Variants in POU2F1 observed in about 807,000 individuals in gnomAD.
The protein encoded by POU2F1 is POU domain, class 2, transcription factor 1.
Under a neutral mutation model 84.9 loss-of-function variants are expected in POU2F1, and 16 were observed. That is an observed-to-expected ratio of 0.19 (90% CI 0.13 to 0.29). The LOEUF is 0.29. Among genes scored for constraint, POU2F1 ranks in the 10% least tolerant of loss-of-function variants. The probability of loss-of-function intolerance (pLI) is 1.00; values close to 1 mark genes in which losing one functional copy is unlikely to be tolerated. For missense variants in POU2F1, 738 were observed against 942.6 expected (o/e 0.78, Z 2.84); for synonymous variants, 368 against 368.3 (o/e 1.00, Z 0.01).
At chr1:167,253,320 C>G (rs1011420399) in intron 1 of POU2F1, among the ~76,000 whole-genome samples, 2 of 148,096 alleles carry the variant, frequency 1.4e-5, no homozygotes, top group Non-Finnish European at 3.0e-5. Context: ...TACTAACTCT[C>G]TTGTAGAACA....
intron 1 of POU2F1, among the ~76,000 whole-genome samples, chr1:167,312,432 G>T (rs12120586): frequency 3.3e-5 from 5 of 151,782 alleles, no homozygotes; most frequent in African/African-American, 4.8e-5. Flanking sequence ...CTCGTTTGTT[G>T]TTGGCCAGGC....
At chr1:167,385,888 G>A (rs554387776) in intron 8 of POU2F1, among the ~76,000 whole-genome samples, 51 of 152,252 alleles carry the variant, frequency 3.3e-4, no homozygotes, top group Middle Eastern at 3.4e-3. Flanking sequence ...AATGTCTAAA[G>A]AACTCATTCA....
intron 1 of POU2F1, among the ~76,000 whole-genome samples, chr1:167,253,731 T>C (rs1254408628): frequency 6.6e-6 from 1 of 152,066 alleles, no homozygotes; most frequent in East Asian, 1.9e-4. Flanking sequence ...CCAGCCAGAA[T>C]TTTTTATTTT....
At chr1:167,357,766 C>T (rs11589454) in intron 2 of POU2F1, among the ~76,000 whole-genome samples, 6 of 151,292 alleles carry the variant, frequency 4.0e-5, no homozygotes, top group Admixed American at 1.3e-4. Flanking sequence ...GATTCCACCC[C>T]GCCCTTTATT....
At chr1:167,339,022 T>C (rs1185556046) in intron 2 of POU2F1, among the ~76,000 whole-genome samples, 1 of 152,164 alleles carries the variant, frequency 6.6e-6, no homozygotes, top group Non-Finnish European at 1.5e-5. Flanking sequence ...TGTAAGTGCT[T>C]TATTTCTTCT....
intron 2 of POU2F1, among the ~76,000 whole-genome samples, chr1:167,335,215 A>G (rs958464240): frequency 1.3e-5 from 2 of 152,214 alleles, no homozygotes; most frequent in Non-Finnish European, 2.9e-5. Flanking sequence ...ATGCAAATAG[A>G]TGAAATAACC....
intron 1 of POU2F1, among the ~76,000 whole-genome samples, chr1:167,253,131 G>T (rs6703025): frequency 0.029 from 4,443 of 152,288 alleles, 225 homozygotes; most frequent in African/African-American, 0.1. Flanking sequence ...GTGAAACTTG[G>T]ATAAACCTAA....
chr1:167,360,035 G>A (rs1240843428), intron 2 of POU2F1, among the ~76,000 whole-genome samples: 1 of 151,334 alleles, frequency 6.6e-6, no homozygotes, highest in Non-Finnish European at 1.5e-5. Flanking sequence ...TTTTTTTCTT[G>A]TTGATTTAAG....
chr1:167,346,804 C>T (rs1284404671), intron 2 of POU2F1, among the ~76,000 whole-genome samples: 1 of 152,184 alleles, frequency 6.6e-6, no homozygotes, highest in Admixed American at 6.5e-5. Flanking sequence ...TATAGATATT[C>T]TGTGTCATGA....
Position 167,427,107 on chromosome 1 carries a change from G to A in POU2F1, c.*11297G>A, listed in dbSNP as rs1651003834. On this transcript the variant is annotated 3_prime_UTR_variant, in exon 16 of 16. Coordinates refer to ENST00000367866, the MANE Select transcript of POU2F1 (RefSeq NM_002697.4). ...CCTGAGGAGGTGGCGGGGAATATGA[G>A]CGGTGCTGTCTCTCTCAAAAGTGCC... 2 of 152,176 alleles carry A rather than the reference G, an allele frequency of 1.3e-5. No homozygotes were observed. Among genetic ancestry groups the A allele is most frequent in the Admixed American group, 1.3e-4 (2 of 15,280 alleles). 9.4% of individuals were successfully genotyped at this position (152,176 alleles called of 1,614,324 possible). A position where few individuals can be genotyped will look rare whatever the true frequency, so the allele number is the denominator to read the frequency against.
At chr1:167,403,039 T>A (rs1469076293) in intron 13 of POU2F1, among the ~76,000 whole-genome samples, 3 of 152,240 alleles carry the variant, frequency 2.0e-5, no homozygotes, top group Admixed American at 6.5e-5. Flanking sequence ...TACTCAAAAC[T>A]AGCTAAAAAT....
chr1:167,368,754 A>T (rs566172864), intron 3 of POU2F1, among the ~76,000 whole-genome samples: 82 of 152,278 alleles, frequency 5.4e-4, no homozygotes, highest in African/African-American at 1.9e-3. Context: ...ATCTACTAAC[A>T]GGACTAGCAG....
At chr1:167,340,815 A>G (rs1170814531) in intron 2 of POU2F1, among the ~76,000 whole-genome samples, 2 of 152,256 alleles carry the variant, frequency 1.3e-5, no homozygotes, top group African/African-American at 2.4e-5. Flanking sequence ...GTTCTCAATA[A>G]ATTTATCTTA....
intron 1 of POU2F1, among the ~76,000 whole-genome samples, chr1:167,270,694 AAC>A (rs1652309674): frequency 6.6e-6 from 1 of 152,190 alleles, no homozygotes; most frequent in African/African-American, 2.4e-5. Context: ...TCCATAGTCA[AAC>A]ACAGATTGCT....
rs1234127377 is a variant in POU2F1, at chr1:167,426,430, A to G, written c.*10620A>G. On this transcript the variant is annotated 3_prime_UTR_variant, in exon 16 of 16. Coordinates refer to ENST00000367866, the MANE Select transcript of POU2F1 (RefSeq NM_002697.4). The stretch of plus-strand genomic sequence containing the variant: ...GTGTTCATAATAAAAAAGAAAATGA[A>G]AAAAGTTCTGAGTGTACATAATATT... The G allele has an allele frequency of 6.6e-6, 1 of 152,232 alleles. No individual in the cohort carries two copies. The highest frequency in any genetic ancestry group is 1.5e-5 in the Non-Finnish European group (1 of 68,044). The allele number at this position is 152,232 out of a possible 1,614,324, so 9.4% of individuals were successfully genotyped here.
At chr1:167,276,458 A>ATG (rs1652735721) in intron 1 of POU2F1, among the ~76,000 whole-genome samples, 1 of 152,192 alleles carries the variant, frequency 6.6e-6, no homozygotes, top group African/African-American at 2.4e-5. Flanking sequence ...AGGTATATAT[A>ATG]TATAGGAAAA....
At chr1:167,280,279 G>A (rs1172341359) in intron 1 of POU2F1, among the ~76,000 whole-genome samples, 1 of 150,706 alleles carries the variant, frequency 6.6e-6, no homozygotes, top group Non-Finnish European at 1.5e-5. Flanking sequence ...AAGTGGACAT[G>A]ATATGTAGCA....
chr1:167,340,731 G>A (rs938189637), intron 2 of POU2F1, among the ~76,000 whole-genome samples: 6 of 151,958 alleles, frequency 3.9e-5, no homozygotes, highest in African/African-American at 1.2e-4. Flanking sequence ...CTGCCCTGTT[G>A]TTTCTTTTTG....
At chr1:167,225,335 T>G (rs973543633) in intron 1 of POU2F1, among the ~76,000 whole-genome samples, 2 of 152,212 alleles carry the variant, frequency 1.3e-5, no homozygotes, top group Non-Finnish European at 2.9e-5. Context: ...AAAATCCCAG[T>G]AGACAAGGAA....
Sources: gnomAD v4.1 joint callset for allele counts (sites outside exome capture counted in the v4.1 genomes callset) on GRCh38, gnomAD v4.1.1 for gene constraint, MANE v1.5 for transcripts, NCBI Gene and HGNC (gene_info 2026-07-23, HGNC 2026-07-21) for gene names.